The following SLC7A11 variants were observed in gnomAD, a reference collection of about 807,000 sequenced individuals.
SLC7A11 encodes the protein solute carrier family 7 member 11, also known as cystine/glutamate transporter.
In SLC7A11, 35 loss-of-function variants were observed where a neutral mutation model predicts 54.5. The ratio of observed to expected loss-of-function variants is 0.64; its 90% CI spans 0.49 to 0.85. The LOEUF (loss-of-function observed/expected upper bound fraction) is 0.85, where lower values mean the gene tolerates loss of function less well. Among genes scored for constraint, SLC7A11 ranks in the 40% least tolerant of loss-of-function variants. SLC7A11 has a pLI of 0.00. For synonymous variants in SLC7A11, 230 were observed against 225.2 expected (o/e 1.02, Z -0.19); for missense variants, 583 against 618.1 (o/e 0.94, Z 0.60).
intron 3 of SLC7A11, among the ~76,000 whole-genome samples, chr4:138,227,765 T>C: frequency 6.6e-6 from 1 of 152,236 alleles, no homozygotes; most frequent in East Asian, 1.9e-4. Context: ...AAACTCTTGA[T>C]GGCTCTTTCT....
chr4:138,185,043 T>A, intron 7 of SLC7A11, 78 bp downstream of exon 7: 1 of 1,500,318 alleles, frequency 6.7e-7, no homozygotes, highest in South Asian at 1.1e-5. Context: ...AAACACTTTC[T>A]GCTAGAGGGA....
intron 3 of SLC7A11, among the ~76,000 whole-genome samples, chr4:138,224,285 A>T (rs1737887325): frequency 6.6e-6 from 1 of 152,152 alleles, no homozygotes; most frequent in South Asian, 2.1e-4. Context: ...AGTGGTTTTC[A>T]ACTTTATACT....
At chr4:138,222,555 C>G (rs1022849405) in intron 4 of SLC7A11, among the ~76,000 whole-genome samples, 1 of 152,196 alleles carries the variant, frequency 6.6e-6, no homozygotes, top group African/African-American at 2.4e-5. Context: ...AACAAAAACT[C>G]TAAATGTCAC....
chr4:138,184,460 A>C (rs552261866), intron 7 of SLC7A11, among the ~76,000 whole-genome samples: 1 of 152,092 alleles, frequency 6.6e-6, no homozygotes, highest in African/African-American at 2.4e-5. Flanking sequence ...GTCTTATAAC[A>C]TGATCTTTGG....
chr4:138,235,571 C>G (rs1029694642), intron 2 of SLC7A11, among the ~76,000 whole-genome samples: 3 of 152,150 alleles, frequency 2.0e-5, no homozygotes, highest in African/African-American at 4.8e-5. Context: ...CCATTAAATT[C>G]TGTAATCAGA....
intron 11 of SLC7A11, chr4:138,176,454 A>G (rs1416707702): frequency 6.6e-6 from 1 of 152,200 alleles, no homozygotes. Flanking sequence ...ATAGAAAAAT[A>G]GCAACAAACT....
Position 138,196,997 on chromosome 4 carries a change from T to C in SLC7A11, c.792-11753A>G, listed in dbSNP as rs560305020. Among the ~76,000 whole-genome samples the C allele has an allele frequency of 3.3e-5, 5 of 152,302 alleles. No individual in the cohort carries two copies. In the South Asian group the frequency reaches 1.0e-3, roughly 32 times the overall value. On this transcript the variant is annotated intron_variant, in intron 6 of 11. Transcript: ENST00000280612. ...TGTGAGAAAAGTAGCAAACCTCTAATAAGAATTTCATTAAAATTTGATTCA... is the reference window on the plus strand; with the variant it reads ...TGTGAGAAAAGTAGCAAACCTCTAACAAGAATTTCATTAAAATTTGATTCA...
intron 1 of SLC7A11, among the ~76,000 whole-genome samples, chr4:138,241,042 C>T (rs1428526514): frequency 1.3e-5 from 2 of 151,832 alleles, no homozygotes; most frequent in African/African-American, 4.8e-5. Flanking sequence ...CTCTGTGTCC[C>T]TGGAGAACAA....
At chr4:138,197,503 C>G (rs4295318) in intron 6 of SLC7A11, among the ~76,000 whole-genome samples, 28,105 of 151,780 alleles carry the variant, frequency 0.19, 2,740 homozygotes, top group East Asian at 0.32. Context: ...GTTAATAAAC[C>G]ATAGTACACA....
chr4:138,214,202 T>G (rs1264993192), intron 6 of SLC7A11, among the ~76,000 whole-genome samples: 1 of 152,028 alleles, frequency 6.6e-6, no homozygotes, highest in Non-Finnish European at 1.5e-5. Flanking sequence ...AAAGATTACA[T>G]GAATTGTTAG....
At chr4:138,201,499 T>C (rs1329675331) in intron 6 of SLC7A11, among the ~76,000 whole-genome samples, 1 of 152,092 alleles carries the variant, frequency 6.6e-6, no homozygotes, top group East Asian at 1.9e-4. Flanking sequence ...ATAAAAATAT[T>C]GTATGTTCTT....
intron 7 of SLC7A11, 23 bp downstream of exon 7, chr4:138,185,098 G>T: frequency 6.2e-7 from 1 of 1,611,474 alleles, no homozygotes; most frequent in Non-Finnish European, 8.5e-7. Context: ...ATTCCAATTG[G>T]CATTTTCCCA....
intron 11 of SLC7A11, chr4:138,177,453 G>GTCTCTCTCTTTCCCTCTCTCTCTCTC (rs1736603705): frequency 6.9e-6 from 1 of 145,292 alleles, no homozygotes; most frequent in Admixed American, 6.8e-5. Context: ...CTCTCTCTCT[G>GTCTCTCTCTTTCCCTCTCTCTCTCTC]TCTCTCTCTT....
chr4:138,236,755 G>T (rs755013906), intron 1 of SLC7A11, among the ~76,000 whole-genome samples: 2 of 152,058 alleles, frequency 1.3e-5, no homozygotes, highest in African/African-American at 4.8e-5. Flanking sequence ...TGAAAACCTG[G>T]AAATAGGGGA....
chr4:138,226,274 A>G (rs1737946114), intron 3 of SLC7A11, among the ~76,000 whole-genome samples: 1 of 152,148 alleles, frequency 6.6e-6, no homozygotes, highest in Admixed American at 6.5e-5. Flanking sequence ...AATCTATCAT[A>G]TGATCCAGCA....
chr4:138,180,811 A>C (rs777371751), intron 9 of SLC7A11, 21 bp from the exon 10 acceptor site: 19 of 1,602,944 alleles, frequency 1.2e-5, no homozygotes, highest in Non-Finnish European at 1.5e-5. Flanking sequence ...AAAGGGAAGC[A>C]AGCTTGGTGA....
In SLC7A11 at chr4:138,164,205, T is replaced by TATA. The variant is rs1454248042; in HGVS notation, c.*7748_*7750dup. 2 of 152,410 alleles carry TATA rather than the reference T, an allele frequency of 1.3e-5. No individual in the cohort carries two copies. Among genetic ancestry groups the TATA allele is most frequent in the Non-Finnish European group, 2.9e-5 (2 of 67,986 alleles). The allele number at this position is 152,410 out of a possible 1,614,324, so 9.4% of individuals were successfully genotyped here. A position where few individuals can be genotyped will look rare whatever the true frequency, so the allele number is the denominator to read the frequency against. ...TTGAAGCAACTAGAAGCGTGACAGG[T>TATA]ATAATACATATAAATACAACCAAAA... On this transcript the variant is annotated 3_prime_UTR_variant, in exon 12 of 12. Coordinates refer to ENST00000280612, the MANE Select transcript of SLC7A11 (RefSeq NM_014331.4).
intron 6 of SLC7A11, among the ~76,000 whole-genome samples, chr4:138,197,083 CTTA>C (rs2148424315): frequency 6.6e-6 from 1 of 152,276 alleles, no homozygotes; most frequent in South Asian, 2.1e-4. Context: ...GAAAAGGTAT[CTTA>C]TTATTTCTAG....
chr4:138,171,935 C>A lies in SLC7A11; in HGVS notation c.*21G>T. Reference sequence around the variant, plus strand: ...TTGTGTCTCCCCTTGGGCAGATTGCCAAGATCTCAAGTCCATTAGTTCATA... The same window carrying A: ...TTGTGTCTCCCCTTGGGCAGATTGCAAAGATCTCAAGTCCATTAGTTCATA... On this transcript the variant is annotated 3_prime_UTR_variant, in exon 12 of 12. Transcript: ENST00000280612. 1 of 1,575,736 alleles carries A rather than the reference C, an allele frequency of 6.3e-7. No individual in the cohort carries two copies. The highest frequency in any genetic ancestry group is 8.6e-7 in the Non-Finnish European group (1 of 1,167,196).
Sources: allele counts gnomAD v4.1 joint callset (sites outside exome capture counted in the v4.1 genomes callset), GRCh38; gene constraint gnomAD v4.1.1; transcripts MANE v1.5; gene names NCBI Gene and HGNC (gene_info 2026-07-23, HGNC 2026-07-21).